The following FSTL4 variants were observed in gnomAD, a reference collection of about 807,000 sequenced individuals.
The protein encoded by FSTL4 is follistatin like 4.
FSTL4 carries 28 observed loss-of-function variants against 78.2 expected under a neutral mutation model. The observed-to-expected ratio is 0.36, with a 90% confidence interval of 0.27 to 0.49. The LOEUF (loss-of-function observed/expected upper bound fraction) is 0.49, where lower values mean the gene tolerates loss of function less well. FSTL4 is among the 20% of genes least tolerant of loss of function. The pLI is 0.98. For missense variants in FSTL4, 922 were observed against 1,084.9 expected (o/e 0.85, Z 2.11); for synonymous variants, 422 against 440.5 (o/e 0.96, Z 0.53).
the FSTL4 span, among the ~76,000 whole-genome samples, chr5:133,756,986 C>T: frequency 3.5e-4 from 54 of 152,258 alleles, no homozygotes; most frequent in African/African-American, 1.2e-3. Context: ...TCTCAAGTGG[C>T]CCCCATCTAA....
chr5:133,598,915 C>A (rs145706952), intron 2 of FSTL4, among the ~76,000 whole-genome samples: 2 of 152,108 alleles, frequency 1.3e-5, no homozygotes, highest in Non-Finnish European at 2.9e-5. Context: ...CAGCTTGGAC[C>A]CCCGTTGGTT....
intron 6 of FSTL4, among the ~76,000 whole-genome samples, chr5:133,302,450 C>T (rs1323603427): frequency 6.6e-6 from 1 of 152,238 alleles, no homozygotes; most frequent in Non-Finnish European, 1.5e-5. Context: ...AAACACTTTA[C>T]TGCAGGGCAC....
In FSTL4 at chr5:133,210,289, C is replaced by A; in HGVS notation, c.1618G>T (p.Val540Leu). 6.3e-7 allele frequency: 1 copy of A among 1,591,296 alleles called. No individual in the cohort carries two copies. Among genetic ancestry groups the A allele is most frequent in the South Asian group, 1.1e-5 (1 of 90,572 alleles). ...QAQKVLQSIGVDPLPAKLSYD... is the reference protein window; with the variant it reads ...QAQKVLQSIGLDPLPAKLSYD... The stretch of plus-strand genomic sequence containing the variant: ...GACAGCTTAGCCGGCAGAGGGTCCA[C>A]ACCTATGGACTTGAAAAAAAATAGT... The change falls in exon 14 of 16, where the codon GTG (valine) becomes TTG (leucine). Residue 540 changes from valine to leucine, a missense_variant. By Grantham distance (32) the Val-to-Leu change is conservative (BLOSUM62 1). Transcript: ENST00000265342.
chr5:133,727,715 T>C, the FSTL4 span, among the ~76,000 whole-genome samples: 3 of 152,148 alleles, frequency 2.0e-5, no homozygotes, highest in Non-Finnish European at 2.9e-5. Flanking sequence ...CATTCCACAC[T>C]AGAGTAAAAC....
At chr5:133,685,608 G>A in the FSTL4 span, among the ~76,000 whole-genome samples, 18 of 152,170 alleles carry the variant, frequency 1.2e-4, no homozygotes, top group African/African-American at 3.6e-4. Flanking sequence ...TAGCACCTCC[G>A]CAGGCCCCAC....
intron 3 of FSTL4, among the ~76,000 whole-genome samples, chr5:133,563,125 A>T (rs1759955861): frequency 6.6e-6 from 1 of 152,212 alleles, no homozygotes; most frequent in Non-Finnish European, 1.5e-5. Flanking sequence ...ATCCAGGGTC[A>T]TACGGAACTG....
chr5:133,298,673 G>A (rs1198457684), intron 6 of FSTL4, among the ~76,000 whole-genome samples: 1 of 152,252 alleles, frequency 6.6e-6, no homozygotes, highest in African/African-American at 2.4e-5. Context: ...TGTCACATCT[G>A]AGAGCAGGAA....
the FSTL4 span, among the ~76,000 whole-genome samples, chr5:133,657,932 C>A: frequency 2.0e-5 from 3 of 151,642 alleles, no homozygotes; most frequent in Non-Finnish European, 4.4e-5. Flanking sequence ...TAGTAAATAG[C>A]CTTTGTTAAG....
intron 3 of FSTL4, among the ~76,000 whole-genome samples, chr5:133,469,097 A>C (rs1422862183): frequency 2.0e-5 from 3 of 152,256 alleles, no homozygotes; most frequent in Non-Finnish European, 4.4e-5. Context: ...GACATGTGAA[A>C]GCAGAAGATG....
At chr5:133,343,060 T>A (rs1456793430) in intron 4 of FSTL4, among the ~76,000 whole-genome samples, 1 of 152,228 alleles carries the variant, frequency 6.6e-6, no homozygotes, top group Non-Finnish European at 1.5e-5. Context: ...GGACCACCCC[T>A]GCCGGCCCAT....
At chr5:133,688,660 C>A in the FSTL4 span, among the ~76,000 whole-genome samples, 1 of 152,206 alleles carries the variant, frequency 6.6e-6, no homozygotes, top group African/African-American at 2.4e-5. Context: ...TGAATTTAGC[C>A]TCCAAGGGAG....
the FSTL4 span, among the ~76,000 whole-genome samples, chr5:133,627,087 G>A: frequency 6.9e-6 from 1 of 145,262 alleles, no homozygotes; most frequent in Non-Finnish European, 1.5e-5. Flanking sequence ...TACACATTTA[G>A]TATTGTTATA....
At chr5:133,614,372 G>A (rs1425366137), upstream of FSTL4, among the ~76,000 whole-genome samples, 1 of 152,184 alleles carries the variant, frequency 6.6e-6, no homozygotes, top group Non-Finnish European at 1.5e-5. Context: ...TCCCAAAGAA[G>A]GAGAAGAAGG....
intron 14 of FSTL4, chr5:133,202,880 C>T (rs1158000978): frequency 1.3e-5 from 2 of 152,464 alleles, no homozygotes; most frequent in African/African-American, 2.4e-5. Flanking sequence ...TGGTGTGTGT[C>T]CCAGCTGCAC....
At chr5:133,822,124 T>C in the FSTL4 span, among the ~76,000 whole-genome samples, 1 of 152,210 alleles carries the variant, frequency 6.6e-6, no homozygotes, top group Non-Finnish European at 1.5e-5. Flanking sequence ...CTTTGATGTA[T>C]GAACACTCCT....
chr5:133,267,446 G>C (rs1752669005), intron 6 of FSTL4, among the ~76,000 whole-genome samples: 1 of 152,162 alleles, frequency 6.6e-6, no homozygotes, highest in African/African-American at 2.4e-5. Flanking sequence ...CAGGGAGGCC[G>C]GGTGAGGAAC....
chr5:133,485,556 C>T (rs1758116146), intron 3 of FSTL4, among the ~76,000 whole-genome samples: 1 of 152,224 alleles, frequency 6.6e-6, no homozygotes, highest in Non-Finnish European at 1.5e-5. Flanking sequence ...CCTTTAAACC[C>T]ACTTTAAGAG....
the FSTL4 span, among the ~76,000 whole-genome samples, chr5:133,723,419 A>G: frequency 6.6e-6 from 1 of 152,264 alleles, no homozygotes; most frequent in Middle Eastern, 3.4e-3. Flanking sequence ...GGGATGAGGT[A>G]CCACACAGTG....
In FSTL4 at chr5:133,199,344, G is replaced by A. The variant is rs779752335; in HGVS notation, c.2280C>T (p.Asp760=). ...NIYAALHTEP[D]LLFLELSTGK... ...CCGTGGACAGCTCCAGGAACAGCAG[G>A]TCCGGCTCCGTGTGCAGAGCCGCGT... The change falls in exon 16 of 16, where the codon GAC becomes GAT. Residue 760 remains aspartate (D), a synonymous_variant. Coordinates refer to ENST00000265342, the MANE Select transcript of FSTL4 (RefSeq NM_015082.2). This position sits in a 1 kb window ranked among gnomAD's most constrained non-coding sequence, Gnocchi z 4.4. The A allele has an allele frequency of 1.2e-6, 2 of 1,614,074 alleles. No individual in the cohort carries two copies. The highest frequency in any genetic ancestry group is 2.2e-5 in the South Asian group (2 of 91,078).
Sources: gnomAD v4.1 joint callset for allele counts (sites outside exome capture counted in the v4.1 genomes callset) on GRCh38, gnomAD v4.1.1 for gene constraint, Gnocchi (gnomAD v3.1) non-coding constraint, MANE v1.5 for transcripts, NCBI Gene and HGNC (gene_info 2026-07-23, HGNC 2026-07-21) for gene names.